Variants in JHY observed in about 807,000 individuals in gnomAD.
JHY encodes the protein junctional cadherin complex regulator.
JHY carries 69 observed loss-of-function variants against 78.0 expected under a neutral mutation model. The observed-to-expected ratio is 0.88, with a 90% CI of 0.73 to 1.08. JHY has a LOEUF of 1.08. JHY is among the 50% of genes least tolerant of loss of function. The probability of loss-of-function intolerance (pLI) is 0.00; values close to 1 mark genes in which losing one functional copy is unlikely to be tolerated. For synonymous variants in JHY, 368 were observed against 342.6 expected, an observed-to-expected ratio of 1.07 and a Z score of -0.82; for missense variants, 944 against 927.8, an observed-to-expected ratio of 1.02 and a Z score of -0.23.
chr11:122,945,379 AAT>A (rs1427877897), intron 5 of JHY, among the ~76,000 whole-genome samples: 7 of 152,126 alleles, frequency 4.6e-5, no homozygotes, highest in South Asian at 2.1e-4. Flanking sequence ...AGGATTTTTA[AAT>A]ATGTTTCTCA....
At chr11:122,913,540 C>T (rs1440136258) in intron 3 of JHY, among the ~76,000 whole-genome samples, 6 of 152,178 alleles carry the variant, frequency 3.9e-5, no homozygotes, top group African/African-American at 1.4e-4. Flanking sequence ...CCTGGCCATA[C>T]TCCAGGAACT....
Position 122,904,160 on chromosome 11 carries a change from G to A in JHY, c.580G>A (p.Glu194Lys). The change falls in exon 3 of 9, where the codon GAA (glutamate) becomes AAA (lysine). Residue 194 changes from glutamate (E) to lysine (K), a missense_variant. Coordinates refer to ENST00000227349, the MANE Select transcript of JHY (RefSeq NM_024806.4). ...GAGTGCAGCTTCTTTACTTGGTAGT[G>A]AATTTTTAAGCCCAAACTATGAGCA... ...PQSAASLLGS[E>K]FLSPNYEHGA... The A allele has an allele frequency of 5.0e-6, 8 of 1,614,148 alleles. No homozygotes were observed. Among genetic ancestry groups the A allele is most frequent in the Non-Finnish European group, 5.1e-6 (6 of 1,180,036 alleles).
intron 7 of JHY, among the ~76,000 whole-genome samples, chr11:122,957,143 C>T (rs1046160366): frequency 1.3e-5 from 2 of 152,100 alleles, no homozygotes; most frequent in Non-Finnish European, 1.5e-5. Context: ...GAATACCGGG[C>T]GTGATATTGC....
intron 3 of JHY, among the ~76,000 whole-genome samples, chr11:122,911,787 C>T (rs1863130813): frequency 6.6e-6 from 1 of 151,286 alleles, no homozygotes; most frequent in African/African-American, 2.4e-5. Flanking sequence ...TGACTGTCAT[C>T]CCAGCTACTC....
At chr11:122,885,516 A>T (rs1862476386) in intron 1 of JHY, among the ~76,000 whole-genome samples, 1 of 152,192 alleles carries the variant, frequency 6.6e-6, no homozygotes, top group African/African-American at 2.4e-5. Context: ...CCAAGCAGCC[A>T]TTTATTTCAT....
chr11:122,921,273 G>C (rs1863358782), intron 3 of JHY, among the ~76,000 whole-genome samples: 1 of 152,190 alleles, frequency 6.6e-6, no homozygotes, highest in South Asian at 2.1e-4. Flanking sequence ...TTCCATCATT[G>C]TCAATCAAAC....
rs575331626 is a variant in JHY at position 122,919,181 on chromosome 11, G to A, written c.865-5716G>A. ...AGCCTGGCTAACAGGGTGAAACCCC[G>A]TCTCTACTAAAATTACAAAAAATTA... On this transcript the variant is annotated intron_variant, in intron 3 of 8. Coordinates refer to ENST00000227349, the MANE Select transcript of JHY (RefSeq NM_024806.4). Among the ~76,000 whole-genome samples, 22 of 151,654 alleles carry A rather than the reference G, an allele frequency of 1.5e-4. No homozygotes were observed. In the South Asian group the frequency reaches 2.5e-3, roughly 17 times the overall value.
chr11:122,957,557 T>A, intron 8 of JHY, 66 bp downstream of exon 8: 2 of 34,336 alleles, frequency 5.8e-5, no homozygotes, highest in Non-Finnish European at 1.1e-4. Context: ...TTATTATCGC[T>A]TTTTTTTTTT....
rs570158032 is a variant in JHY at position 122,897,907 on chromosome 11, A to C, written c.345-6018A>C. On this transcript the variant is annotated intron_variant, in intron 2 of 8. Transcript: ENST00000227349. ...TGAAGACTACCTAATTTTTAAAAAT[A>C]GTGGGCATTACTCAGTTATTCATTC... Among the ~76,000 whole-genome samples, 12 of 152,350 alleles carry C rather than the reference A, an allele frequency of 7.9e-5. 1 individual carries two copies. The highest frequency in any genetic ancestry group is 2.4e-4 in the African/African-American group (10 of 41,580).
rs1864357403 is a variant in JHY at position 122,963,747 on chromosome 11, G to T, written c.*4302G>T. Among the ~76,000 whole-genome samples the T allele has an allele frequency of 6.6e-6, 1 of 152,146 alleles. No individual in the cohort carries two copies. Among genetic ancestry groups the T allele is most frequent in the African/African-American group, 2.4e-5 (1 of 41,440 alleles). ...AAAACAAAAAACTTCAAACTTAAGT[G>T]ATGTAATGATGGAGCACCTGTATTT... On this transcript the variant is annotated 3_prime_UTR_variant, in exon 9 of 9. Transcript: ENST00000227349.
intron 2 of JHY, among the ~76,000 whole-genome samples, chr11:122,890,844 GC>G (rs968022674): frequency 2.6e-5 from 4 of 152,116 alleles, no homozygotes; most frequent in African/African-American, 9.7e-5. Context: ...ATAGGTTATA[GC>G]CCTAGTCATT....
intron 3 of JHY, among the ~76,000 whole-genome samples, chr11:122,919,146 G>A (rs1377375399): frequency 6.6e-6 from 1 of 151,718 alleles, no homozygotes; most frequent in East Asian, 1.9e-4. Flanking sequence ...GAGGTCAGAA[G>A]TTCGGGACCA....
intron 3 of JHY, among the ~76,000 whole-genome samples, chr11:122,919,258 C>T (rs1352958575): frequency 1.4e-5 from 2 of 147,026 alleles, no homozygotes; most frequent in African/African-American, 5.0e-5. Context: ...GGTACTGAGG[C>T]AGGAGAATCA....
intron 4 of JHY, among the ~76,000 whole-genome samples, chr11:122,929,428 C>T (rs1056220551): frequency 7.2e-5 from 11 of 151,964 alleles, no homozygotes; most frequent in Non-Finnish European, 1.3e-4. Flanking sequence ...CTCAGCTGCC[C>T]CTAGAAGGAC....
chr11:122,944,036 T>G (rs952975224), intron 5 of JHY, among the ~76,000 whole-genome samples: 1 of 152,002 alleles, frequency 6.6e-6, no homozygotes, highest in Non-Finnish European at 1.5e-5. Flanking sequence ...CAAAACCCTG[T>G]CTCTACAAAA....
intron 3 of JHY, among the ~76,000 whole-genome samples, chr11:122,917,000 G>T (rs943851303): frequency 4.0e-5 from 6 of 150,096 alleles, no homozygotes; most frequent in Non-Finnish European, 7.4e-5. Context: ...ATGTTATTTT[G>T]CCATTTGCTT....
chr11:122,910,597 G>T (rs1863096496), intron 3 of JHY, among the ~76,000 whole-genome samples: 2 of 152,102 alleles, frequency 1.3e-5, no homozygotes, highest in Admixed American at 6.6e-5. Context: ...GAATGGGCGG[G>T]AGCACAACTT....
At chr11:122,949,542 G>A (rs1183477041) in intron 6 of JHY, among the ~76,000 whole-genome samples, 1 of 152,080 alleles carries the variant, frequency 6.6e-6, no homozygotes. Context: ...AGGATGTCTT[G>A]GGGCTGAGAT....
Position 122,959,359 on chromosome 11 carries a change from G to A in JHY, c.2251G>A (p.Glu751Lys). ...TGCTGGGAAAGAAGAAAGTTTACCT[G>A]AAATCTCACTGCTGGAAATACTGCA... is the stretch of plus-strand genomic sequence containing the variant. Reference protein sequence around the residue: ...TYAGKEESLPEISLLEILQNR... With the variant: ...TYAGKEESLPKISLLEILQNR... The change falls in exon 9 of 9, where the codon GAA becomes AAA. Residue 751 changes from glutamate (E) to lysine (K), a missense_variant. Physicochemically the swap from Glu to Lys is moderately conservative, Grantham distance 56. Transcript: ENST00000227349. 1 of 1,614,134 alleles carries A rather than the reference G, an allele frequency of 6.2e-7. No homozygotes were observed. The highest frequency in any genetic ancestry group is 8.5e-7 in the Non-Finnish European group (1 of 1,180,010).
Sources: gnomAD v4.1 joint callset for allele counts (sites outside exome capture counted in the v4.1 genomes callset) on GRCh38, gnomAD v4.1.1 for gene constraint, MANE v1.5 for transcripts, NCBI Gene and HGNC (gene_info 2026-07-23, HGNC 2026-07-21) for gene names.